Variants in DCAF10 observed in about 807,000 individuals in gnomAD.
DCAF10 encodes DDB1 and CUL4 associated factor 10.
Under a neutral mutation model 51.9 loss-of-function variants are expected in DCAF10, and 19 were observed. The ratio of observed to expected loss-of-function variants is 0.37; its 90% CI spans 0.26 to 0.54. DCAF10 has a LOEUF of 0.54. Among genes scored for constraint, DCAF10 ranks in the 20% least tolerant of loss-of-function variants. The pLI is 0.87. For missense variants in DCAF10, 510 were observed against 730.6 expected (o/e 0.70, Z 3.48); for synonymous variants, 291 against 297.1 (o/e 0.98, Z 0.21).
intron 3 of DCAF10, among the ~76,000 whole-genome samples, chr9:37,844,185 A>C (rs1288676191): frequency 6.6e-6 from 1 of 152,250 alleles, no homozygotes; most frequent in Non-Finnish European, 1.5e-5. Flanking sequence ...ATCTCAGTGG[A>C]AAATATTAAC....
chr9:37,815,360 A>G lies in DCAF10; in HGVS notation c.540-3928A>G, dbSNP rs977817789. Reference sequence around the variant, plus strand: ...AGGAAACAGGTTTTTAAAAAGAAGAACAGTCTGGGCATGGTGGCTCACGCC... The same window carrying G: ...AGGAAACAGGTTTTTAAAAAGAAGAGCAGTCTGGGCATGGTGGCTCACGCC... On this transcript the variant is annotated intron_variant, in intron 1 of 6. Transcript: ENST00000377724. Among the ~76,000 whole-genome samples the G allele has an allele frequency of 2.0e-5, 3 of 152,324 alleles. No individual in the cohort carries two copies. In the South Asian group the frequency reaches 6.2e-4, roughly 32 times the overall value.
At chr9:37,860,782 G>C (rs1402714221) in intron 6 of DCAF10, among the ~76,000 whole-genome samples, 1 of 152,162 alleles carries the variant, frequency 6.6e-6, no homozygotes, top group Non-Finnish European at 1.5e-5. Context: ...AAGAGCCTTT[G>C]AATTGTGTAG....
In DCAF10 at chr9:37,801,623, G is replaced by C. The variant is rs1038675133; in HGVS notation, c.539+218G>C. ...CAGGCAGGCGGGGCCCCACTTGCTCGCCTTCAGGACTTGGGCTCTGTGAAG... is the reference window on the plus strand; with the variant it reads ...CAGGCAGGCGGGGCCCCACTTGCTCCCCTTCAGGACTTGGGCTCTGTGAAG... On this transcript the variant is annotated intron_variant, in intron 1 of 6. Transcript: ENST00000377724. The surrounding 1 kb of genome is among the most constrained non-coding windows in gnomAD (Gnocchi z 5.5). 2.0e-5 allele frequency among the ~76,000 whole-genome samples: 3 copies of C among 152,220 alleles called. No individual in the cohort carries two copies. Among genetic ancestry groups the C allele is most frequent in the African/African-American group, 7.2e-5 (3 of 41,458 alleles).
At chr9:37,841,965 TAGTG>T in intron 2 of DCAF10, 120 bp from the exon 3 acceptor site, 1 of 791,264 alleles carries the variant, frequency 1.3e-6, no homozygotes, top group Non-Finnish European at 2.0e-6. Context: ...TGGGTTTACA[TAGTG>T]AGTGTGTAGT....
chr9:37,821,434 A>G (rs1829697596), intron 2 of DCAF10, among the ~76,000 whole-genome samples: 1 of 152,190 alleles, frequency 6.6e-6, no homozygotes, highest in African/African-American at 2.4e-5. Flanking sequence ...ACTAGCTAGA[A>G]CTCTTAGAAA....
At chr9:37,850,268 C>T (rs1830594306) in intron 3 of DCAF10, among the ~76,000 whole-genome samples, 1 of 152,162 alleles carries the variant, frequency 6.6e-6, no homozygotes, top group Non-Finnish European at 1.5e-5. Context: ...ATCCAACAAT[C>T]CTTCTACTAG....
rs1491458596 is a variant in DCAF10, at chr9:37,850,824, T to TA, written c.852-3956_852-3955insA. Among the ~76,000 whole-genome samples the TA allele has an allele frequency of 5.5e-3, 299 of 54,526 alleles. 3 individuals are homozygous for TA. The highest frequency in any genetic ancestry group is 0.013 in the African/African-American group (252 of 18,696). 35.8% of individuals were successfully genotyped at this position (54,526 alleles called of 152,430 possible). A position where few individuals can be genotyped will look rare whatever the true frequency, so the allele number is the denominator to read the frequency against. ...TAAATGCTAAGTATGTGAGGATATATTTTATATATATATATATATATATAT... is the reference window on the plus strand; with the variant it reads ...TAAATGCTAAGTATGTGAGGATATATATTTATATATATATATATATATATAT... On this transcript the variant is annotated intron_variant, in intron 3 of 6. Coordinates refer to ENST00000377724, the MANE Select transcript of DCAF10 (RefSeq NM_024345.5).
At chr9:37,831,737 A>C (rs1031736853) in intron 2 of DCAF10, among the ~76,000 whole-genome samples, 2 of 152,228 alleles carry the variant, frequency 1.3e-5, no homozygotes, top group Non-Finnish European at 2.9e-5. Flanking sequence ...TACACCCATT[A>C]TACAGGCTTA....
rs577986392 is a variant in DCAF10 at position 37,866,222 on chromosome 9, T to C, written c.*4714T>C. On this transcript the variant is annotated 3_prime_UTR_variant, in exon 7 of 7. Coordinates refer to ENST00000377724, the MANE Select transcript of DCAF10 (RefSeq NM_024345.5). The stretch of plus-strand genomic sequence containing the variant: ...ATTTAAAACTTGTAATTATTTTTGA[T>C]GTGAGTATTTCAGGTATGTTAGTAT... 10 of 152,772 alleles carry C rather than the reference T, an allele frequency of 6.5e-5. 1 individual carries two copies. Among genetic ancestry groups the C allele is most frequent in the Admixed American group, 6.5e-4 (10 of 15,300 alleles). The allele number at this position is 152,772 out of a possible 1,614,324, so 9.5% of individuals were successfully genotyped here.
chr9:37,861,953 A>C lies in DCAF10; in HGVS notation c.*445A>C. ...ACATTAGAATTGAATAAAACCTAGA[A>C]GTTGGATATTGGCATATTGGTTGTT... On this transcript the variant is annotated 3_prime_UTR_variant, in exon 7 of 7. Transcript: ENST00000377724. This position sits in a 1 kb window ranked among gnomAD's most constrained non-coding sequence, Gnocchi z 4.9. 6.2e-6 allele frequency: 1 copy of C among 160,378 alleles called. No individual in the cohort carries two copies. The highest frequency in any genetic ancestry group is 1.8e-4 in the East Asian group (1 of 5,644). 9.9% of individuals were successfully genotyped at this position (160,378 alleles called of 1,614,324 possible).
At chr9:37,843,584 A>C (rs1830395294) in intron 3 of DCAF10, among the ~76,000 whole-genome samples, 1 of 152,220 alleles carries the variant, frequency 6.6e-6, no homozygotes, top group Non-Finnish European at 1.5e-5. Flanking sequence ...GGAAGGAAAA[A>C]AGATAATTAT....
At chr9:37,860,341 G>A in intron 6 of DCAF10, 148 bp downstream of exon 6, 1 of 1,003,682 alleles carries the variant, frequency 1.0e-6, no homozygotes, top group Non-Finnish European at 1.4e-6. Context: ...TCCTGTTTCT[G>A]TCCTCTCTTG....
At chr9:37,846,962 GA>G (rs1276221084) in intron 3 of DCAF10, among the ~76,000 whole-genome samples, 1 of 152,042 alleles carries the variant, frequency 6.6e-6, no homozygotes, top group Non-Finnish European at 1.5e-5. Context: ...CATAAGAATA[GA>G]AACTACAGGG....
At chr9:37,827,872 A>C (rs1204758434) in intron 2 of DCAF10, among the ~76,000 whole-genome samples, 1 of 152,026 alleles carries the variant, frequency 6.6e-6, no homozygotes, top group Non-Finnish European at 1.5e-5. Context: ...TTGGGGACAG[A>C]AGTAGCTGAA....
At chr9:37,852,963 T>C (rs1743649856) in intron 3 of DCAF10, among the ~76,000 whole-genome samples, 1 of 91,792 alleles carries the variant, frequency 1.1e-5, no homozygotes. Flanking sequence ...TATATATATA[T>C]ATAAATTAGC....
chr9:37,843,165 G>A (rs551985054), intron 3 of DCAF10, among the ~76,000 whole-genome samples: 11 of 152,080 alleles, frequency 7.2e-5, no homozygotes, highest in Admixed American at 7.2e-4. Flanking sequence ...CTATAGGCAT[G>A]AGCCACCATG....
intron 2 of DCAF10, among the ~76,000 whole-genome samples, chr9:37,821,526 T>TG (rs1255530587): frequency 6.6e-6 from 1 of 151,850 alleles, no homozygotes; most frequent in Non-Finnish European, 1.5e-5. Flanking sequence ...AAACATAAAG[T>TG]GGGGAAAGGA....
At chr9:37,838,727 C>T (rs1564040205) in intron 2 of DCAF10, among the ~76,000 whole-genome samples, 1 of 151,916 alleles carries the variant, frequency 6.6e-6, no homozygotes, top group South Asian at 2.1e-4. Flanking sequence ...CCTGTCTCTA[C>T]TAAAAATACA....
chr9:37,800,745 G>A (rs558070964), upstream of DCAF10: 163 of 1,533,960 alleles, frequency 1.1e-4, no homozygotes, highest in African/African-American at 2.1e-3. Flanking sequence ...TGGCCGAGGG[G>A]CGGCGCGGGT....
Sources: allele counts gnomAD v4.1 joint callset (sites outside exome capture counted in the v4.1 genomes callset), GRCh38; gene constraint gnomAD v4.1.1; non-coding constraint Gnocchi (gnomAD v3.1); transcripts MANE v1.5; gene names NCBI Gene and HGNC (gene_info 2026-07-23, HGNC 2026-07-21).